Variants in IGDCC4 observed in about 807,000 individuals in gnomAD.
IGDCC4 encodes likely ortholog of mouse neighbor of Punc E11.
Under a neutral mutation model 116.6 loss-of-function variants are expected in IGDCC4, and 72 were observed. The observed-to-expected ratio is 0.62, with a 90% confidence interval of 0.51 to 0.75. The LOEUF is 0.75. IGDCC4 is among the 30% of genes least tolerant of loss of function. The probability of loss-of-function intolerance (pLI) is 0.00; values close to 1 mark genes in which losing one functional copy is unlikely to be tolerated. For synonymous variants in IGDCC4, 709 were observed against 719.9 expected, an observed-to-expected ratio of 0.98 and a Z score of 0.24; for missense variants, 1,501 against 1,662.4, an observed-to-expected ratio of 0.90 and a Z score of 1.69.
chr15:65,409,033 A>G (rs2063065038), intron 3 of IGDCC4, among the ~76,000 whole-genome samples: 1 of 151,876 alleles, frequency 6.6e-6, no homozygotes, highest in Non-Finnish European at 1.5e-5. Context: ...CTGGGTTTTG[A>G]TATTTTGCAT....
intron 3 of IGDCC4, among the ~76,000 whole-genome samples, chr15:65,403,341 T>A (rs1022885398): frequency 6.6e-6 from 1 of 152,204 alleles, no homozygotes; most frequent in Non-Finnish European, 1.5e-5. Context: ...ACATTCAATG[T>A]TCCTGGTAAC....
Position 65,393,631 on chromosome 15 carries a change from T to G in IGDCC4, c.1715-100A>C. 7.8e-7 allele frequency: 1 copy of G among 1,274,534 alleles called. No individual in the cohort carries two copies. Among genetic ancestry groups the G allele is most frequent in the Non-Finnish European group, 1.1e-6 (1 of 927,220 alleles). 79.0% of individuals were successfully genotyped at this position (1,274,534 alleles called of 1,614,324 possible). ...TCCGCCTCACATCCCGGTTCCTCCG[T>G]GCCCGTGGGAGCCTGAGGCGTTCTC... On this transcript the variant is annotated intron_variant, in intron 9 of 19. Transcript: ENST00000352385. This position sits in a 1 kb window ranked among gnomAD's most constrained non-coding sequence, Gnocchi z 4.6.
chr15:65,390,412 T>C, intron 12 of IGDCC4, 74 bp from the exon 13 acceptor site: 1 of 1,250,308 alleles, frequency 8.0e-7, no homozygotes, highest in South Asian at 2.1e-5. Flanking sequence ...TGGTTTACAG[T>C]TCCCAAGGCT....
At chr15:65,400,543 G>C (rs191591764) in intron 5 of IGDCC4, among the ~76,000 whole-genome samples, 1 of 152,178 alleles carries the variant, frequency 6.6e-6, no homozygotes, top group African/African-American at 2.4e-5. Context: ...GGCCTCAGGA[G>C]GGCTGCAATA....
chr15:65,416,136 CTTTTTTTT>C (rs60072640), intron 1 of IGDCC4, among the ~76,000 whole-genome samples: 2 of 77,608 alleles, frequency 2.6e-5, no homozygotes, highest in South Asian at 5.4e-4. Context: ...AATGTTTTGA[CTTTTTTTT>C]TTTTTTTTTT....
chr15:65,396,695 C>T, intron 6 of IGDCC4, 139 bp downstream of exon 6: 1 of 1,110,370 alleles, frequency 9.0e-7, no homozygotes, highest in South Asian at 1.6e-5. Context: ...CCACCTCCGC[C>T]TTACTAGGGA....
At position 65,392,318 on chromosome 15, in the gene IGDCC4, G is replaced by A. The variant is rs376723906; in HGVS notation, c.1938C>T (p.Val646=). ...LKVQAKMESL[V]VSWQPPPHPT... is the part of the protein sequence containing the mutation. ...GGTGAGGGGGTGGCTGCCATGACAC[G>A]ACCAGGGACTCCATCTTTGCCTGCA... The change falls in exon 11 of 20, where the codon GTC becomes GTT. Residue 646 remains valine (V), a synonymous_variant. Transcript: ENST00000352385. 51 of 1,586,024 alleles carry A rather than the reference G, an allele frequency of 3.2e-5. No individual in the cohort carries two copies. The African/African-American group carries it at 5.6e-4, about 18-fold the overall frequency.
At chr15:65,395,035 C>T (rs2062906893) in intron 8 of IGDCC4, 59 bp downstream of exon 8, 2 of 1,531,334 alleles carry the variant, frequency 1.3e-6, no homozygotes, top group Non-Finnish European at 1.8e-6. Flanking sequence ...AGGGTGAGCT[C>T]CCCTCCCCAG....
chr15:65,396,197 TCC>T, intron 6 of IGDCC4, 34 bp from the exon 7 acceptor site: 1 of 1,492,256 alleles, frequency 6.7e-7, no homozygotes, highest in Non-Finnish European at 8.9e-7. Context: ...GAGCGCGGGA[TCC>T]CGCAACTAAG....
Position 65,397,666 on chromosome 15 carries a change from T to TAA in IGDCC4, c.842-679_842-678dup, listed in dbSNP as rs59114878. On this transcript the variant is annotated intron_variant, in intron 5 of 19. Coordinates refer to ENST00000352385, the MANE Select transcript of IGDCC4 (RefSeq NM_020962.3). ...GCAACATAGTGAGACTCCGTCTCTA[T>TAA]AAAAAAAAAAAAAAAAAGATATTAA... Among the ~76,000 whole-genome samples the TAA allele has an allele frequency of 3.4e-3, 391 of 114,618 alleles. 2 individuals are homozygous for TAA. The highest frequency in any genetic ancestry group is 9.7e-3 in the African/African-American group (297 of 30,704). 75.2% of individuals were successfully genotyped at this position (114,618 alleles called of 152,430 possible).
chr15:65,383,907 G>T lies in IGDCC4; in HGVS notation c.*102C>A. ...CAACTTAGGAAGCTCCAAAGGGCTT[G>T]ATGATGTATCTACAGGCACACATGT... On this transcript the variant is annotated 3_prime_UTR_variant, in exon 20 of 20. Transcript: ENST00000352385. 2 of 1,151,140 alleles carry T rather than the reference G, an allele frequency of 1.7e-6. No individual in the cohort carries two copies. Among genetic ancestry groups the T allele is most frequent in the Non-Finnish European group, 2.4e-6 (2 of 840,358 alleles). 71.3% of individuals were successfully genotyped at this position (1,151,140 alleles called of 1,614,324 possible).
At chr15:65,385,188 G>A in intron 18 of IGDCC4, 73 bp from the exon 19 acceptor site, 1 of 1,461,178 alleles carries the variant, frequency 6.8e-7, no homozygotes, top group Non-Finnish European at 9.1e-7. Context: ...CCGGGGGAGG[G>A]AATTGGGATG....
chr15:65,392,452 G>T, intron 10 of IGDCC4, 82 bp from the exon 11 acceptor site: 1 of 1,081,426 alleles, frequency 9.2e-7, no homozygotes, highest in East Asian at 2.5e-5. Flanking sequence ...AGGAGACAGG[G>T]AAGAGGCATG....
rs780953330 is a variant in IGDCC4 at position 65,391,939 on chromosome 15, T to C, written c.2165A>G (p.Lys722Arg). The C allele has an allele frequency of 2.5e-6, 4 of 1,613,636 alleles. No individual in the cohort carries two copies. Among genetic ancestry groups the C allele is most frequent in the African/African-American group, 2.7e-5 (2 of 74,898 alleles). ...LYEVKLVAFN[K>R]HEDGYAAVWK... ...CACTGCTGCATAGCCATCCTCATGT[T>C]TGTTGAAAGCCACGAGCTTCACCTC... The change falls in exon 12 of 20, where the codon AAA (lysine) becomes AGA (arginine). Residue 722 changes from lysine (K) to arginine (R), a missense_variant. Coordinates refer to ENST00000352385, the MANE Select transcript of IGDCC4 (RefSeq NM_020962.3).
Position 65,410,221 on chromosome 15 carries a change from T to A in IGDCC4, c.520A>T (p.Ile174Phe), listed in dbSNP as rs148432274. Residue 174 changes from isoleucine to phenylalanine, a missense_variant, in exon 3 of 20, where the codon ATT becomes TTT. By Grantham distance (21) the Ile-to-Phe change is conservative (BLOSUM62 0). This residue lies in a region of IGDCC4 where 898 missense variants were observed against 978.9 expected (regional missense o/e 0.92). Transcript: ENST00000352385. ...CHIEGLPAPIITWEKDQVTLP... is the reference protein window; with the variant it reads ...CHIEGLPAPIFTWEKDQVTLP... ...GTCACCTGGTCCTTCTCCCAAGTAA[T>A]GATGGGAGCTGGCAGCCCTTCAATG... is the stretch of plus-strand genomic sequence containing the variant. 1 of 1,613,852 alleles carries A rather than the reference T, an allele frequency of 6.2e-7. No homozygotes were observed. Among genetic ancestry groups the A allele is most frequent in the Non-Finnish European group, 8.5e-7 (1 of 1,180,020 alleles).
chr15:65,383,169 C>A lies in IGDCC4; in HGVS notation c.*840G>T. ...CCTTGAAGCAGACATGAGGTAGTCA[C>A]GTTGTTAGAGAAGGATGCAGAGTTT... On this transcript the variant is annotated 3_prime_UTR_variant, in exon 20 of 20. Coordinates refer to ENST00000352385, the MANE Select transcript of IGDCC4 (RefSeq NM_020962.3). 1 of 152,978 alleles carries A rather than the reference C, an allele frequency of 6.5e-6. No homozygotes were observed. Among genetic ancestry groups the A allele is most frequent in the Non-Finnish European group, 1.5e-5 (1 of 68,230 alleles). 9.5% of individuals were successfully genotyped at this position (152,978 alleles called of 1,614,324 possible).
In IGDCC4 at chr15:65,410,963, T is replaced by C. The variant is rs2063085400; in HGVS notation, c.421+57A>G. On this transcript the variant is annotated intron_variant, in intron 2 of 19. Transcript: ENST00000352385. ...CAAGTAACTAACTGCAGATCCCACT[T>C]CGCACACCCCAAGTCTGGGTTTCAG... 1.6e-5 allele frequency: 23 copies of C among 1,430,290 alleles called. No homozygotes were observed. The South Asian group carries it at 2.7e-4, about 17-fold the overall frequency. 88.6% of individuals were successfully genotyped at this position (1,430,290 alleles called of 1,614,324 possible).
At chr15:65,397,508 C>T (rs1350493686) in intron 5 of IGDCC4, among the ~76,000 whole-genome samples, 1 of 152,144 alleles carries the variant, frequency 6.6e-6, no homozygotes, top group East Asian at 1.9e-4. Flanking sequence ...AAATGTTCAA[C>T]TTCATGTCAT....
intron 1 of IGDCC4, among the ~76,000 whole-genome samples, chr15:65,415,532 T>C (rs888727755): frequency 1.3e-5 from 2 of 151,752 alleles, no homozygotes; most frequent in Non-Finnish European, 2.9e-5. Flanking sequence ...GAAGACGGGG[T>C]CCCCCTCAGA....
Sources: allele counts gnomAD v4.1 joint callset (sites outside exome capture counted in the v4.1 genomes callset), GRCh38; gene constraint gnomAD v4.1.1; regional missense constraint gnomAD v4.1.1; non-coding constraint Gnocchi (gnomAD v3.1); transcripts MANE v1.5; gene names NCBI Gene and HGNC (gene_info 2026-07-23, HGNC 2026-07-21).